MYH9: variants seen among roughly 807,000 people sequenced by gnomAD.
MYH9 encodes myosin heavy chain 9, also known as myosin-9.
In MYH9, 29 loss-of-function variants were observed where a neutral mutation model predicts 241.9. That is an observed-to-expected ratio of 0.12 (90% confidence interval 0.09 to 0.16). The LOEUF is 0.16. Among genes scored for constraint, MYH9 ranks in the 10% least tolerant of loss-of-function variants. The probability of loss-of-function intolerance (pLI) is 1.00; values close to 1 mark genes in which losing one functional copy is unlikely to be tolerated. For missense variants in MYH9, 1,803 were observed against 2,595.5 expected, an observed-to-expected ratio of 0.69 and a Z score of 6.63; for synonymous variants, 1,047 against 1,062.6, an observed-to-expected ratio of 0.99 and a Z score of 0.29.
In MYH9 at chr22:36,302,647, G is replaced by A; in HGVS notation, c.2420C>T (p.Thr807Ile). 6.2e-7 allele frequency: 1 copy of A among 1,613,404 alleles called. No individual in the cohort carries two copies. Among genetic ancestry groups the A allele is most frequent in the Non-Finnish European group, 8.5e-7 (1 of 1,179,870 alleles). The change falls in exon 20 of 41, where the codon ACC (threonine) becomes ATC (isoleucine). Residue 807 changes from threonine (T) to isoleucine (I), a missense_variant. Thr to Ile is a moderately conservative substitution (Grantham distance 89, BLOSUM62 -1). Around this residue, in one of 11 missense-constraint regions of MYH9, gnomAD observed 72 missense variants for 83.3 expected, o/e 0.86. Transcript: ENST00000216181. ...KAFAKRQQQL[T>I]AMKVLQRNCA... is the part of the protein sequence containing the mutation. Reference sequence around the variant, plus strand: ...GTTCCGCTGGAGGACCTTCATGGCGGTAAGCTGCTGCTGCCGCTTGGCAAA... The same window carrying A: ...GTTCCGCTGGAGGACCTTCATGGCGATAAGCTGCTGCTGCCGCTTGGCAAA...
At chr22:36,289,055 C>T (rs1314277640) in intron 32 of MYH9, 30 bp downstream of exon 32, 1 of 1,613,806 alleles carries the variant, frequency 6.2e-7, no homozygotes, top group African/African-American at 1.3e-5. Context: ...GGGCCCTTCC[C>T]AAGACCTGGC....
intron 14 of MYH9, among the ~76,000 whole-genome samples, chr22:36,311,058 G>A (rs2017055795): frequency 6.6e-6 from 1 of 152,172 alleles, no homozygotes; most frequent in African/African-American, 2.4e-5. Flanking sequence ...GAACAGACCT[G>A]TGAAAGCTCC....
At chr22:36,377,181 C>T (rs1254618072) in intron 1 of MYH9, among the ~76,000 whole-genome samples, 2 of 152,116 alleles carry the variant, frequency 1.3e-5, no homozygotes, top group Non-Finnish European at 2.9e-5. Context: ...GAAAGAAGAC[C>T]CCGCCTTTGA....
intron 24 of MYH9, among the ~76,000 whole-genome samples, chr22:36,298,569 G>C (rs1335660908): frequency 2.0e-5 from 3 of 152,206 alleles, no homozygotes; most frequent in African/African-American, 7.2e-5. Flanking sequence ...GACAGAGCTA[G>C]TGAGTCCTGT....
rs1367108340 is a variant in MYH9, at chr22:36,282,268, C to CG, written c.*399dup. The CG allele has an allele frequency of 2.6e-6, 1 of 381,118 alleles. No homozygotes were observed. Among genetic ancestry groups the CG allele is most frequent in the Non-Finnish European group, 4.9e-6 (1 of 204,714 alleles). 23.6% of individuals were successfully genotyped at this position (381,118 alleles called of 1,614,324 possible). ...CAGACGTCAGGGAGGCTGACGACTG[C>CG]GGGGGCTCCGACTACCAAAAGGCCT... is the stretch of plus-strand genomic sequence containing the variant. On this transcript the variant is annotated 3_prime_UTR_variant, in exon 41 of 41. Transcript: ENST00000216181.
chr22:36,286,407 C>A (rs1218342795), intron 35 of MYH9, among the ~76,000 whole-genome samples: 1 of 152,158 alleles, frequency 6.6e-6, no homozygotes, highest in Non-Finnish European at 1.5e-5. Flanking sequence ...TCAGGTGCGA[C>A]GGGCAGGGCG....
intron 1 of MYH9, among the ~76,000 whole-genome samples, chr22:36,356,495 C>A (rs573834946): frequency 1.4e-5 from 2 of 145,028 alleles, no homozygotes; most frequent in African/African-American, 5.1e-5. Context: ...GCACGAGAAT[C>A]GCTTGAACCC....
chr22:36,286,018 C>T, intron 35 of MYH9, 65 bp from the exon 36 acceptor site: 5 of 1,564,232 alleles, frequency 3.2e-6, no homozygotes, highest in East Asian at 2.2e-5. Context: ...TCCTTCCCAG[C>T]CCCAGGCACC....
intron 3 of MYH9, among the ~76,000 whole-genome samples, chr22:36,328,199 T>C (rs914621815): frequency 1.3e-5 from 2 of 152,256 alleles, no homozygotes; most frequent in African/African-American, 4.8e-5. Flanking sequence ...TGTGACAACC[T>C]GTTCTCTAGC....
intron 1 of MYH9, among the ~76,000 whole-genome samples, chr22:36,371,210 C>T (rs1165878732): frequency 6.6e-6 from 1 of 152,178 alleles, no homozygotes; most frequent in African/African-American, 2.4e-5. Flanking sequence ...CCCAGTACCG[C>T]AGAATGTGAC....
chr22:36,372,678 G>A (rs902439635), intron 1 of MYH9, among the ~76,000 whole-genome samples: 12 of 152,150 alleles, frequency 7.9e-5, no homozygotes, highest in Admixed American at 7.9e-4. Flanking sequence ...CTGGAGGGGA[G>A]GACGCAAGGA....
chr22:36,370,059 A>C (rs913314165), intron 1 of MYH9, among the ~76,000 whole-genome samples: 1 of 152,236 alleles, frequency 6.6e-6, no homozygotes, highest in Admixed American at 6.5e-5. Flanking sequence ...TAAATTGTGG[A>C]CAGATAAAAC....
At chr22:36,308,794 G>C (rs945738538) in intron 15 of MYH9, 1 of 983,348 alleles carries the variant, frequency 1.0e-6, no homozygotes. Flanking sequence ...GACACCACTC[G>C]GGCGGCCAGT....
At chr22:36,303,804 G>GA (rs912211246) in intron 19 of MYH9, among the ~76,000 whole-genome samples, 191 bp downstream of exon 19, 26 of 134,832 alleles carry the variant, frequency 1.9e-4, no homozygotes, top group South Asian at 9.6e-4. Flanking sequence ...AAAAAAAAAA[G>GA]AAAAAAAAAA....
At chr22:36,308,117 C>A (rs1241878428) in intron 15 of MYH9, among the ~76,000 whole-genome samples, 5 of 152,106 alleles carry the variant, frequency 3.3e-5, no homozygotes, top group Non-Finnish European at 7.4e-5. Context: ...CACACAGATG[C>A]CACTTCAGCT....
chr22:36,331,873 G>C (rs1382858158), intron 3 of MYH9, among the ~76,000 whole-genome samples: 2 of 152,240 alleles, frequency 1.3e-5, no homozygotes, highest in East Asian at 3.8e-4. Context: ...GGCAGTTTCA[G>C]GTTGGACAAC....
intron 1 of MYH9, 130 bp from the exon 2 acceptor site, chr22:36,349,385 C>A: frequency 2.7e-6 from 2 of 733,958 alleles, no homozygotes; most frequent in South Asian, 1.6e-5. Context: ...TATAACCAGG[C>A]TGCACAACTT....
At chr22:36,376,411 C>T (rs2018167862) in intron 1 of MYH9, among the ~76,000 whole-genome samples, 1 of 152,062 alleles carries the variant, frequency 6.6e-6, no homozygotes, top group Non-Finnish European at 1.5e-5. Flanking sequence ...TCAGATGTCT[C>T]CTGACTCAGG....
intron 3 of MYH9, among the ~76,000 whole-genome samples, chr22:36,333,318 G>A (rs1569536279): frequency 6.6e-6 from 1 of 152,238 alleles, no homozygotes; most frequent in Non-Finnish European, 1.5e-5. Context: ...TAGAAGGAAA[G>A]GCATGTCGGT....
Sources: allele counts gnomAD v4.1 joint callset (sites outside exome capture counted in the v4.1 genomes callset), GRCh38; gene constraint gnomAD v4.1.1; regional missense constraint gnomAD v4.1.1; transcripts MANE v1.5; gene names NCBI Gene and HGNC (gene_info 2026-07-23, HGNC 2026-07-21).